ABHD11: variants seen among roughly 807,000 people sequenced by gnomAD.
The protein encoded by ABHD11 is abhydrolase domain containing 11, also known as sn-1-specific diacylglycerol lipase ABHD11.
Under a neutral mutation model 29.0 loss-of-function variants are expected in ABHD11, and 26 were observed. That is an observed-to-expected ratio of 0.90 (90% confidence interval 0.66 to 1.24). ABHD11 has a LOEUF of 1.24. Ranked by LOEUF, ABHD11 falls within the 50% of genes most tolerant of loss-of-function variation. ABHD11 has a pLI of 0.00. For synonymous variants in ABHD11, 169 were observed against 166.4 expected, an observed-to-expected ratio of 1.02 and a Z score of -0.12; for missense variants, 381 against 422.4, an observed-to-expected ratio of 0.90 and a Z score of 0.86.
At chr7:73,738,223 T>G in intron 2 of ABHD11, 105 bp downstream of exon 2, 1 of 1,471,390 alleles carries the variant, frequency 6.8e-7, no homozygotes, top group Non-Finnish European at 9.3e-7. Context: ...GAGTGAGGGA[T>G]CTGGAAGTGA....
Position 73,736,698 on chromosome 7 carries a change from A to C in ABHD11, c.789-7T>G. On this transcript the variant is annotated splice_polypyrimidine_tract_variant and splice_region_variant and intron_variant, in intron 5 of 5. Coordinates refer to ENST00000222800, the MANE Select transcript of ABHD11 (RefSeq NM_148912.4). The stretch of plus-strand genomic sequence containing the variant: ...CTCAGGGTGGTGGCTGGGACTGTGC[A>C]TCGCAGCGACGGCCATCAAAAACGG... 6.2e-7 allele frequency: 1 copy of C among 1,613,554 alleles called. No individual in the cohort carries two copies.
intron 2 of ABHD11, chr7:73,738,074 T>A: frequency 1.3e-6 from 1 of 766,172 alleles, no homozygotes; most frequent in Non-Finnish European, 2.3e-6. Flanking sequence ...CGGTCATCCC[T>A]AGTGAACAAG....
chr7:73,737,346 C>A lies in ABHD11; in HGVS notation c.481G>T (p.Glu161Ter). 1 of 1,613,924 alleles carries A rather than the reference C, an allele frequency of 6.2e-7. No individual in the cohort carries two copies. The highest frequency in any genetic ancestry group is 8.5e-7 in the Non-Finnish European group (1 of 1,180,018). The change falls in exon 4 of 6, where the codon GAA becomes TAA. Residue 161 changes from glutamate (E) to a stop codon, truncating the protein, a stop_gained. Transcript: ENST00000222800. LOFTEE classifies it high-confidence loss of function. Reference protein sequence around the residue: ...RLIAVDISPVESTGVSHFATY... With the variant: ...RLIAVDISPV ...GCAAAGTGGGAGACACCTGTGCTTT[C>A]CACTGGGCTGATATCTACAGCAATG...
Position 73,736,950 on chromosome 7 carries a change from C to A in ABHD11, c.767G>T (p.Gly256Val). The A allele has an allele frequency of 6.2e-7, 1 of 1,613,628 alleles. No homozygotes were observed. Among genetic ancestry groups the A allele is most frequent in the Non-Finnish European group, 8.5e-7 (1 of 1,179,964 alleles). Residue 256 changes from glycine (G) to valine (V), a missense_variant, in exon 5 of 6, where the codon GGT (glycine) becomes GTT (valine). Transcript: ENST00000222800. ...SYLGPTLFLL[G>V]GNSQFVHPSH... Reference sequence around the variant, plus strand: ...TTACTGCACGAACTGGGAGTTTCCACCAAGGAGAAAGAGTGTTGGCCCGAG... The same window carrying A: ...TTACTGCACGAACTGGGAGTTTCCAACAAGGAGAAAGAGTGTTGGCCCGAG...
chr7:73,738,176 G>C, intron 2 of ABHD11, 152 bp downstream of exon 2: 1 of 1,242,180 alleles, frequency 8.1e-7, no homozygotes, highest in Non-Finnish European at 1.2e-6. Context: ...GGCAACGTGA[G>C]GGAATAAATG....
Position 73,737,410 on chromosome 7 carries a change from C to A in ABHD11, c.436-19G>T. The A allele has an allele frequency of 1.4e-5, 23 of 1,604,290 alleles. No homozygotes were observed. Among genetic ancestry groups the A allele is most frequent in the Non-Finnish European group, 2.0e-5 (23 of 1,174,960 alleles). The stretch of plus-strand genomic sequence containing the variant: ...GCTCTGGCTGTGGGAGAGAACCGAA[C>A]TGGGACCAGTCTTAGGCAGACATAG... On this transcript the variant is annotated intron_variant, in intron 3 of 5. Coordinates refer to ENST00000222800, the MANE Select transcript of ABHD11 (RefSeq NM_148912.4).
Position 73,737,053 on chromosome 7 carries a change from C to CGCTT in ABHD11, c.663_664insAAGC (p.Val222LysfsTer49). 2 of 1,614,104 alleles carry CGCTT rather than the reference C, an allele frequency of 1.2e-6. No homozygotes were observed. The highest frequency in any genetic ancestry group is 1.7e-6 in the Non-Finnish European group (2 of 1,180,034). Reference sequence around the variant, plus strand: ...AGGGCATCCAAGTTCACCCTCCACACGAAGCGCCCGTCTACCTCTACCAGG... The same window carrying CGCTT: ...AGGGCATCCAAGTTCACCCTCCACACGCTTGAAGCGCCCGTCTACCTCTACCAGG... On this transcript the variant is annotated frameshift_variant, in exon 5 of 6. Transcript: ENST00000222800. LOFTEE classifies it high-confidence loss of function.
At chr7:73,736,837 C>A (rs1006889276) in intron 5 of ABHD11, 92 bp downstream of exon 5, 19 of 1,571,476 alleles carry the variant, frequency 1.2e-5, no homozygotes, top group South Asian at 9.5e-5. Context: ...TCAGCCACCC[C>A]CCTTCCACAC....
At chr7:73,738,584 G>T in intron 1 of ABHD11, 62 bp downstream of exon 1, 1 of 1,565,620 alleles carries the variant, frequency 6.4e-7, no homozygotes, top group South Asian at 1.2e-5. Flanking sequence ...AGATGGGGCC[G>T]TCGGGGCCCG....
In ABHD11 at chr7:73,736,558, CTT is replaced by C. The variant is rs1554621736; in HGVS notation, c.920_921del (p.Ter307=). 1.9e-6 allele frequency: 3 copies of C among 1,613,802 alleles called. No individual in the cohort carries two copies. Among genetic ancestry groups the C allele is most frequent in the Non-Finnish European group, 1.7e-6 (2 of 1,180,012 alleles). On this transcript the variant is annotated frameshift_variant and stop_lost, in exon 6 of 6. Transcript: ENST00000222800. LOFTEE classifies it high-confidence loss of function. ...CCCGGCCATCTTCTTGCCAGCAACT[CTT>C]AGACCAGGAAGCCTCGGATGGCAGC... ...FIAAIRGFLV[*>X]
chr7:73,737,639 G>A lies in ABHD11; in HGVS notation c.358C>T (p.Gln120Ter). ...MSQDLQDLLP[Q>*]LGLVPCVVVG... ...ACGACGCAGGGCACCAGGCCCAGCT[G>A]GGGCAGAAGGTCCTGCAGGTCCTGG... Residue 120 changes from glutamine to a stop codon, truncating the protein, a stop_gained, in exon 3 of 6, where the codon CAG becomes TAG. Transcript: ENST00000222800. LOFTEE classifies it high-confidence loss of function. 6.2e-7 allele frequency: 1 copy of A among 1,614,082 alleles called. No homozygotes were observed. The highest frequency in any genetic ancestry group is 1.1e-5 in the South Asian group (1 of 91,070).
rs782339191 is a variant in ABHD11 at position 73,737,225 on chromosome 7, A to G, written c.602T>C (p.Ile201Thr). The stretch of plus-strand genomic sequence containing the variant: ...GGGGCACCTTGGGTGTATCACCTGG[A>G]TGACAGAACTGAGCTGTTCATCCGC... ...KLADEQLSSVIQDMAVRQHLL... is the reference protein window; with the variant it reads ...KLADEQLSSVTQDMAVRQHLL... Residue 201 changes from isoleucine to threonine, a missense_variant, in exon 4 of 6, where the codon ATC becomes ACC. Ile to Thr is a moderately conservative substitution (Grantham distance 89, BLOSUM62 -1). Transcript: ENST00000222800. The G allele has an allele frequency of 4.3e-6, 7 of 1,614,078 alleles. No individual in the cohort carries two copies. Among genetic ancestry groups the G allele is most frequent in the Non-Finnish European group, 5.1e-6 (6 of 1,180,032 alleles).
At position 73,736,214 on chromosome 7, in the gene ABHD11, T is replaced by C. The variant is rs1554621596; in HGVS notation, c.*345A>G. On this transcript the variant is annotated 3_prime_UTR_variant, in exon 6 of 6. Transcript: ENST00000222800. ...CAAATGTGGAGCAGGCTGCAGAGAC[T>C]TGAAGCCTGGGGTTTTGTGCCTCCT... The C allele has an allele frequency of 2.2e-6, 1 of 463,856 alleles. No individual in the cohort carries two copies. Among genetic ancestry groups the C allele is most frequent in the Non-Finnish European group, 4.3e-6 (1 of 232,022 alleles). 28.7% of individuals were successfully genotyped at this position (463,856 alleles called of 1,614,324 possible). A position where few individuals can be genotyped will look rare whatever the true frequency, so the allele number is the denominator to read the frequency against.
chr7:73,737,675 C>G lies in ABHD11; in HGVS notation c.322G>C (p.Glu108Gln). The change falls in exon 3 of 6, where the codon GAG becomes CAG. Residue 108 changes from glutamate to glutamine, a missense_variant. Transcript: ENST00000222800. ...TCCTGCAGGTCCTGGCTCATGATCT[C>G]GTAGCTCATGTCTGGGCTGTGGGGG... ...DSPHSPDMSY[E>Q]IMSQDLQDLL... The G allele has an allele frequency of 6.2e-7, 1 of 1,614,106 alleles. No homozygotes were observed.
At chr7:73,737,941 C>G in intron 2 of ABHD11, 1 of 883,798 alleles carries the variant, frequency 1.1e-6, no homozygotes, top group Non-Finnish European at 1.9e-6. Context: ...AGGGTTGTGA[C>G]CACGTCTCTG....
Position 73,736,564 on chromosome 7 carries a change from C to A in ABHD11, c.916G>T (p.Val306Phe), listed in dbSNP as rs781837210. 1 of 1,613,826 alleles carries A rather than the reference C, an allele frequency of 6.2e-7. No homozygotes were observed. Among genetic ancestry groups the A allele is most frequent in the Non-Finnish European group, 8.5e-7 (1 of 1,179,998 alleles). The change falls in exon 6 of 6, where the codon GTC becomes TTC. Residue 306 changes from valine to phenylalanine, a missense_variant. Val to Phe is a conservative substitution (Grantham distance 50). Coordinates refer to ENST00000222800, the MANE Select transcript of ABHD11 (RefSeq NM_148912.4). ...CATCTTCTTGCCAGCAACTCTTAGA[C>A]CAGGAAGCCTCGGATGGCAGCTATG... ...DFIAAIRGFL[V>F]
At position 73,738,794 on chromosome 7, in the gene ABHD11, G is replaced by T. The variant is rs868996090; in HGVS notation, c.-24C>A. 1 of 1,589,392 alleles carries T rather than the reference G, an allele frequency of 6.3e-7. No individual in the cohort carries two copies. Among genetic ancestry groups the T allele is most frequent in the Non-Finnish European group, 8.6e-7 (1 of 1,167,038 alleles). ...ATGCTTGCAAGCTGTTGGCCGGCTC[G>T]CATCTCACAAGGTACGTCCTCCCCG... On this transcript the variant is annotated 5_prime_UTR_variant, in exon 1 of 6. Coordinates refer to ENST00000222800, the MANE Select transcript of ABHD11 (RefSeq NM_148912.4).
Position 73,738,595 on chromosome 7 carries a change from G to T in ABHD11, c.125+51C>A, listed in dbSNP as rs781970488. The stretch of plus-strand genomic sequence containing the variant: ...GAGGAGATGGGGCCGTCGGGGCCCG[G>T]CAGGAAAAGGAGGACAGAGGATGGC... On this transcript the variant is annotated intron_variant, in intron 1 of 5. Transcript: ENST00000222800. 6 of 1,569,600 alleles carry T rather than the reference G, an allele frequency of 3.8e-6. No homozygotes were observed. The East Asian group carries it at 1.4e-4, about 37-fold the overall frequency.
At chr7:73,738,294 G>T (rs1054170284) in intron 2 of ABHD11, 34 bp downstream of exon 2, 2 of 670,344 alleles carry the variant, frequency 3.0e-6, no homozygotes, top group Non-Finnish European at 2.5e-6. Context: ...CTCCCGCCCA[G>T]CCCCAAAGGA....
Sources: allele counts gnomAD v4.1 joint callset, GRCh38; gene constraint gnomAD v4.1.1; transcripts MANE v1.5; gene names NCBI Gene and HGNC (gene_info 2026-07-23, HGNC 2026-07-21).